MPPED2: variants seen among roughly 807,000 people sequenced by gnomAD.
The protein encoded by MPPED2 is metallophosphoesterase MPPED2.
Under a neutral mutation model 33.0 loss-of-function variants are expected in MPPED2, and 5 were observed. The observed-to-expected ratio is 0.15, with a 90% CI of 0.08 to 0.32. The LOEUF is 0.32. Ranked by LOEUF, MPPED2 falls within the 10% of genes least tolerant of loss-of-function variation. MPPED2 has a pLI of 1.00. For synonymous variants in MPPED2, 136 were observed against 141.9 expected (o/e 0.96, Z 0.29); for missense variants, 275 against 372.1 (o/e 0.74, Z 2.15).
At chr11:30,434,012 T>C (rs1383588505) in intron 4 of MPPED2, among the ~76,000 whole-genome samples, 1 of 152,152 alleles carries the variant, frequency 6.6e-6, no homozygotes, top group Admixed American at 6.6e-5. Flanking sequence ...TAAATTACTC[T>C]GACTTCTGCT....
intron 5 of MPPED2, 39 bp from the exon 6 acceptor site, chr11:30,414,380 C>T: frequency 7.5e-7 from 1 of 1,331,694 alleles, no homozygotes; most frequent in Non-Finnish European, 1.1e-6. Flanking sequence ...AATTTTCTTT[C>T]TTCAGGTAAG....
At chr11:30,480,196 T>G (rs952252542) in intron 4 of MPPED2, among the ~76,000 whole-genome samples, 18 of 152,132 alleles carry the variant, frequency 1.2e-4, no homozygotes, top group African/African-American at 4.3e-4. Context: ...TTAGTGATTA[T>G]ATATGCAAGG....
chr11:30,481,613 AC>A (rs1404645750), intron 4 of MPPED2, among the ~76,000 whole-genome samples: 3 of 152,132 alleles, frequency 2.0e-5, no homozygotes, highest in Admixed American at 2.0e-4. Flanking sequence ...AGCTTACAGC[AC>A]TAGAATACAA....
intron 4 of MPPED2, among the ~76,000 whole-genome samples, chr11:30,480,648 T>C (rs1056336628): frequency 2.0e-5 from 3 of 152,106 alleles, no homozygotes; most frequent in Non-Finnish European, 4.4e-5. Context: ...ACAGATTTTT[T>C]GGAGGGGGCA....
At chr11:30,568,917 T>C (rs1361502994) in intron 2 of MPPED2, among the ~76,000 whole-genome samples, 2 of 152,150 alleles carry the variant, frequency 1.3e-5, no homozygotes, top group African/African-American at 4.8e-5. Flanking sequence ...CCAAAAGGGC[T>C]CATTTTTTTT....
At chr11:30,527,367 T>G (rs1224750179) in intron 3 of MPPED2, among the ~76,000 whole-genome samples, 1 of 81,116 alleles carries the variant, frequency 1.2e-5, no homozygotes, top group African/African-American at 3.7e-5. Context: ...GAAAGAGTTG[T>G]TTTTTTTTTT....
At chr11:30,544,026 G>T (rs1197240052) in intron 2 of MPPED2, among the ~76,000 whole-genome samples, 2 of 152,092 alleles carry the variant, frequency 1.3e-5, no homozygotes, top group Non-Finnish European at 2.9e-5. Context: ...CACGGAGTGT[G>T]TCTCCTCTAT....
intron 4 of MPPED2, among the ~76,000 whole-genome samples, chr11:30,452,972 C>A (rs900954213): frequency 2.0e-5 from 3 of 152,120 alleles, no homozygotes; most frequent in African/African-American, 7.2e-5. Flanking sequence ...GCACATACTG[C>A]ACCTTGCCCA....
At chr11:30,576,777 A>G (rs1956948480) in intron 2 of MPPED2, among the ~76,000 whole-genome samples, 1 of 151,998 alleles carries the variant, frequency 6.6e-6, no homozygotes, top group Admixed American at 6.5e-5. Flanking sequence ...AGTATGCTCA[A>G]GAGTCTGGGT....
chr11:30,402,037 A>G (rs1947916530), intron 6 of MPPED2, among the ~76,000 whole-genome samples: 1 of 152,106 alleles, frequency 6.6e-6, no homozygotes, highest in Non-Finnish European at 1.5e-5. Context: ...ACCTCCTTTC[A>G]GAATTGCCTC....
At chr11:30,513,903 T>C (rs962574650) in intron 3 of MPPED2, among the ~76,000 whole-genome samples, 1 of 152,152 alleles carries the variant, frequency 6.6e-6, no homozygotes, top group Non-Finnish European at 1.5e-5. Context: ...CCCAAGCCTA[T>C]CTCAGTCACT....
At chr11:30,457,041 G>T (rs1304202759) in intron 4 of MPPED2, among the ~76,000 whole-genome samples, 1 of 152,088 alleles carries the variant, frequency 6.6e-6, no homozygotes, top group Non-Finnish European at 1.5e-5. Flanking sequence ...CCTGGTGGGG[G>T]TCAATCTTCT....
chr11:30,423,481 A>G (rs1322128573), intron 4 of MPPED2, among the ~76,000 whole-genome samples: 1 of 152,240 alleles, frequency 6.6e-6, no homozygotes, highest in Non-Finnish European at 1.5e-5. Context: ...CAAAGATCAC[A>G]TAGCACCCAG....
intron 2 of MPPED2, among the ~76,000 whole-genome samples, chr11:30,572,632 T>G (rs985130498): frequency 1.3e-5 from 2 of 152,154 alleles, no homozygotes; most frequent in African/African-American, 4.8e-5. Flanking sequence ...TGTTTAGAAT[T>G]TTTTTAAAAC....
intron 3 of MPPED2, among the ~76,000 whole-genome samples, chr11:30,521,798 C>T (rs1046490177): frequency 7.2e-5 from 11 of 152,084 alleles, no homozygotes; most frequent in African/African-American, 2.4e-4. Context: ...TCTTGTATGC[C>T]GCAGAAGAAT....
At chr11:30,519,513 A>G (rs1303047431) in intron 3 of MPPED2, among the ~76,000 whole-genome samples, 1 of 151,906 alleles carries the variant, frequency 6.6e-6, no homozygotes, top group Non-Finnish European at 1.5e-5. Context: ...TAGGAATGCT[A>G]GGATACACAT....
intron 2 of MPPED2, among the ~76,000 whole-genome samples, chr11:30,562,220 A>T (rs1254077963): frequency 6.6e-6 from 1 of 152,172 alleles, no homozygotes; most frequent in Non-Finnish European, 1.5e-5. Flanking sequence ...GCAAAAATGC[A>T]ATTGCTGTCC....
In MPPED2 at chr11:30,410,946, G is replaced by T. The variant is rs1948078997; in HGVS notation, c.*522C>A. 1 of 985,748 alleles carries T rather than the reference G, an allele frequency of 1.0e-6. No homozygotes were observed. Among genetic ancestry groups the T allele is most frequent in the Non-Finnish European group, 1.2e-6 (1 of 829,944 alleles). The allele number at this position is 985,748 out of a possible 1,614,324, so 61.1% of individuals were successfully genotyped here. A position where few individuals can be genotyped will look rare whatever the true frequency, so the allele number is the denominator to read the frequency against. On this transcript the variant is annotated 3_prime_UTR_variant, in exon 7 of 7. Coordinates refer to ENST00000358117, the MANE Select transcript of MPPED2 (RefSeq NM_001584.3). ...TTTCTTTATAGTGAGAGTATGAAAA[G>T]AAGTCTTTTCCATGCCTACTTCTGT...
At chr11:30,444,314 C>T (rs952335325) in intron 4 of MPPED2, among the ~76,000 whole-genome samples, 1 of 152,128 alleles carries the variant, frequency 6.6e-6, no homozygotes, top group East Asian at 1.9e-4. Context: ...TTCAATTGCT[C>T]CAAATTGTTT....
Sources: allele counts gnomAD v4.1 joint callset (sites outside exome capture counted in the v4.1 genomes callset), GRCh38; gene constraint gnomAD v4.1.1; transcripts MANE v1.5; gene names NCBI Gene and HGNC (gene_info 2026-07-23, HGNC 2026-07-21).